Variants in DAPK2 observed in about 807,000 individuals in gnomAD.
DAPK2 encodes the protein death-associated protein kinase 2.
In DAPK2, 35 loss-of-function variants were observed where a neutral mutation model predicts 44.1. The observed-to-expected ratio is 0.79, with a 90% CI of 0.61 to 1.05. The LOEUF is 1.05. DAPK2 is among the 50% of genes least tolerant of loss of function. The pLI is 0.00. For synonymous variants in DAPK2, 174 were observed against 182.6 expected (o/e 0.95, Z 0.38); for missense variants, 453 against 483.2 (o/e 0.94, Z 0.59).
At chr15:63,958,570 A>G (rs1319050191) in intron 3 of DAPK2, among the ~76,000 whole-genome samples, 2 of 152,234 alleles carry the variant, frequency 1.3e-5, no homozygotes, top group Non-Finnish European at 2.9e-5. Context: ...CTTTCTACAT[A>G]TAGCTAGCCA....
At chr15:63,937,419 C>T (rs1348123360) in intron 4 of DAPK2, among the ~76,000 whole-genome samples, 1 of 152,190 alleles carries the variant, frequency 6.6e-6, no homozygotes, top group Non-Finnish European at 1.5e-5. Flanking sequence ...ATAGCCTCAT[C>T]CATCAATAAC....
intron 3 of DAPK2, among the ~76,000 whole-genome samples, chr15:63,943,113 CAAA>C (rs5813266): frequency 6.9e-6 from 1 of 145,068 alleles, no homozygotes; most frequent in African/African-American, 2.5e-5. Flanking sequence ...ATTCCTTTTG[CAAA>C]AAAAAAAAAA....
At chr15:63,950,994 T>G (rs4304971) in intron 3 of DAPK2, among the ~76,000 whole-genome samples, 55,126 of 152,002 alleles carry the variant, frequency 0.36, 10,533 homozygotes, top group Non-Finnish European at 0.41. Context: ...GGAATTTGGA[T>G]TTTTTGGAAT....
intron 3 of DAPK2, among the ~76,000 whole-genome samples, chr15:63,961,966 AC>A (rs1360207468): frequency 6.6e-6 from 1 of 152,168 alleles, no homozygotes; most frequent in African/African-American, 2.4e-5. Flanking sequence ...TCTCCCCGTC[AC>A]TTTCAGGTAC....
rs1432280318 is a variant in DAPK2, at chr15:64,046,100, C to T, written c.-7+198G>A. ...CCAGGCTCCGGAGGGCGCCCCAGGG[C>T]AGCGGCGGGCAGCTCCCGCGCTCGG... On this transcript the variant is annotated intron_variant, in intron 1 of 11. Transcript: ENST00000457488. The surrounding 1 kb of genome is among the most constrained non-coding windows in gnomAD (Gnocchi z 5.3). 1.3e-5 allele frequency among the ~76,000 whole-genome samples: 2 copies of T among 152,178 alleles called. No individual in the cohort carries two copies. Among genetic ancestry groups the T allele is most frequent in the Non-Finnish European group, 2.9e-5 (2 of 68,016 alleles).
intron 1 of DAPK2, among the ~76,000 whole-genome samples, chr15:64,018,739 C>T (rs1005617807): frequency 6.6e-6 from 1 of 152,250 alleles, no homozygotes; most frequent in Admixed American, 6.5e-5. Context: ...CTGCCTCTTA[C>T]TCCAAAGGTC....
chr15:64,015,709 C>T (rs2079507897), intron 1 of DAPK2, among the ~76,000 whole-genome samples: 1 of 152,068 alleles, frequency 6.6e-6, no homozygotes, highest in Non-Finnish European at 1.5e-5. Context: ...AGAGATTAGA[C>T]AGAAGAGAAC....
At chr15:63,955,655 C>A (rs968545092) in intron 3 of DAPK2, among the ~76,000 whole-genome samples, 2 of 152,116 alleles carry the variant, frequency 1.3e-5, no homozygotes, top group Admixed American at 6.6e-5. Context: ...GTGGCCTCTG[C>A]CTCCAGGGCT....
intron 1 of DAPK2, among the ~76,000 whole-genome samples, chr15:64,004,699 C>G (rs557050803): frequency 6.6e-6 from 1 of 152,296 alleles, no homozygotes; most frequent in African/African-American, 2.4e-5. Context: ...ACAGTGGGCC[C>G]CTTGGTTTGG....
At position 63,929,968 on chromosome 15, in the gene DAPK2, G is replaced by A. The variant is rs146705925; in HGVS notation, c.633-391C>T. ...GGTGCTTGGCCAACTATAAAGCAGC[G>A]TCCAAATGAAACGAGTCCCATCTGT... On this transcript the variant is annotated intron_variant, in intron 5 of 10. Transcript: ENST00000261891. 529 of 437,490 alleles carry A rather than the reference G, an allele frequency of 1.2e-3. 7 individuals carry two copies. Among genetic ancestry groups the A allele is most frequent in the African/African-American group, 9.2e-3 (459 of 49,968 alleles). The allele number at this position is 437,490 out of a possible 1,614,324, so 27.1% of individuals were successfully genotyped here.
intron 1 of DAPK2, among the ~76,000 whole-genome samples, chr15:64,002,037 T>A (rs538203742): frequency 3.9e-5 from 6 of 152,374 alleles, no homozygotes; most frequent in Middle Eastern, 3.4e-3. Flanking sequence ...AGCAACTTCA[T>A]GATTTGCAAA....
chr15:63,980,271 A>G lies in DAPK2; in HGVS notation c.314+3262T>C, dbSNP rs926670124. Among the ~76,000 whole-genome samples, 1 of 152,202 alleles carries G rather than the reference A, an allele frequency of 6.6e-6. No individual in the cohort carries two copies. The highest frequency in any genetic ancestry group is 2.4e-5 in the African/African-American group (1 of 41,448). ...GGAAAAACACAGACATCTCAAGAGC[A>G]TTTACCTGCCACATCCCCGCCACCG... On this transcript the variant is annotated intron_variant, in intron 2 of 10. Coordinates refer to ENST00000261891, the Ensembl canonical transcript of DAPK2. The surrounding 1 kb of genome is among the most constrained non-coding windows in gnomAD (Gnocchi z 4.3).
At chr15:63,931,154 T>C (rs2079542312) in intron 4 of DAPK2, among the ~76,000 whole-genome samples, 1 of 152,192 alleles carries the variant, frequency 6.6e-6, no homozygotes, top group Non-Finnish European at 1.5e-5. Flanking sequence ...GCACCATCTA[T>C]GAAACAGGGT....
chr15:64,010,318 G>A (rs1033661640), intron 1 of DAPK2, among the ~76,000 whole-genome samples: 2 of 152,084 alleles, frequency 1.3e-5, no homozygotes, highest in East Asian at 1.9e-4. Context: ...CTCTAAAGAC[G>A]GCCTATAAAT....
chr15:63,916,400 T>A lies in DAPK2; in HGVS notation c.859-4203A>T, dbSNP rs1440319714. On this transcript the variant is annotated intron_variant, in intron 8 of 10. Transcript: ENST00000261891. The surrounding 1 kb of genome is among the most constrained non-coding windows in gnomAD (Gnocchi z 4.7). Reference sequence around the variant, plus strand: ...ACCTCCAACCCCCATCTGTGCCATCTCTCCAGCCCCTTACTCCAGTGAAAG... The same window carrying A: ...ACCTCCAACCCCCATCTGTGCCATCACTCCAGCCCCTTACTCCAGTGAAAG... 6.6e-6 allele frequency: 1 copy of A among 152,136 alleles called. No homozygotes were observed. Among genetic ancestry groups the A allele is most frequent in the Non-Finnish European group, 1.5e-5 (1 of 68,120 alleles). The allele number at this position is 152,136 out of a possible 1,614,324, so 9.4% of individuals were successfully genotyped here.
intron 1 of DAPK2, among the ~76,000 whole-genome samples, chr15:64,025,133 C>T (rs994173425): frequency 4.6e-5 from 7 of 152,100 alleles, no homozygotes; most frequent in African/African-American, 1.4e-4. Flanking sequence ...TTCTAGGCAA[C>T]TTGGTACTTC....
intron 3 of DAPK2, chr15:63,942,207 C>A: frequency 1.0e-6 from 1 of 985,378 alleles, no homozygotes; most frequent in Non-Finnish European, 1.2e-6. Flanking sequence ...CACAGGCTCA[C>A]CTCTGTGGCA....
rs368355225 is a variant in DAPK2 at position 63,971,576 on chromosome 15, C to A, written c.315-15G>T. 2 of 1,612,822 alleles carry A rather than the reference C, an allele frequency of 1.2e-6. No homozygotes were observed. Among genetic ancestry groups the A allele is most frequent in the African/African-American group, 2.7e-5 (2 of 74,866 alleles). ...CTCCAGACACTCTGTAAAACACCAG[C>A]GGGGGGAGGGGAGGCCCAGGCCCAG... On this transcript the variant is annotated splice_polypyrimidine_tract_variant and intron_variant, in intron 2 of 10. Transcript: ENST00000261891.
At chr15:64,029,142 G>C (rs4776764) in intron 1 of DAPK2, among the ~76,000 whole-genome samples, 112 of 121,402 alleles carry the variant, frequency 9.2e-4, no homozygotes, top group African/African-American at 1.6e-3. Flanking sequence ...ACTGCCCCCC[G>C]CCCCCAGCTC....
Sources: allele counts gnomAD v4.1 joint callset (sites outside exome capture counted in the v4.1 genomes callset), GRCh38; gene constraint gnomAD v4.1.1; non-coding constraint Gnocchi (gnomAD v3.1); transcripts MANE v1.5; gene names NCBI Gene and HGNC (gene_info 2026-07-23, HGNC 2026-07-21).